CNTN6: variants seen among roughly 807,000 people sequenced by gnomAD.
CNTN6 encodes the protein contactin 6.
Under a neutral mutation model 122.8 loss-of-function variants are expected in CNTN6, and 137 were observed. The observed-to-expected ratio is 1.12, with a 90% confidence interval of 0.97 to 1.29. The LOEUF (loss-of-function observed/expected upper bound fraction) is 1.29, where lower values mean the gene tolerates loss of function less well. CNTN6 is among the 50% of genes most tolerant of loss of function. The pLI, the probability that CNTN6 is intolerant of heterozygous loss-of-function variation, is 0.00. For synonymous variants in CNTN6, 570 were observed against 426.0 expected, an observed-to-expected ratio of 1.34 and a Z score of -4.16; for missense variants, 1,634 against 1,223.4, an observed-to-expected ratio of 1.34 and a Z score of -5.01.
chr3:1,212,841 T>C (rs1470444905), intron 2 of CNTN6, among the ~76,000 whole-genome samples: 2 of 152,100 alleles, frequency 1.3e-5, no homozygotes, highest in Non-Finnish European at 2.9e-5. Context: ...AATCTAACAA[T>C]TTACCAAAAG....
At chr3:1,389,379 A>T (rs1693738902) in intron 20 of CNTN6, among the ~76,000 whole-genome samples, 2 of 152,046 alleles carry the variant, frequency 1.3e-5, no homozygotes, top group Non-Finnish European at 2.9e-5. Context: ...TTTTGTCACC[A>T]CCAGGCCTGC....
intron 2 of CNTN6, among the ~76,000 whole-genome samples, chr3:1,212,479 G>A (rs1264032294): frequency 6.7e-6 from 1 of 149,982 alleles, no homozygotes; most frequent in Non-Finnish European, 1.5e-5. Flanking sequence ...ACACATACAT[G>A]TGTGTGTATA....
chr3:1,313,889 G>A (rs73816298), intron 7 of CNTN6, among the ~76,000 whole-genome samples: 2 of 152,090 alleles, frequency 1.3e-5, no homozygotes, highest in African/African-American at 2.4e-5. Flanking sequence ...CTGTGTCCTC[G>A]CATGGTGGAA....
intron 4 of CNTN6, among the ~76,000 whole-genome samples, chr3:1,260,924 C>T (rs2094835809): frequency 6.6e-6 from 1 of 152,058 alleles, no homozygotes; most frequent in African/African-American, 2.4e-5. Context: ...TCAGGTATGT[C>T]TGTATTAGCA....
intron 7 of CNTN6, among the ~76,000 whole-genome samples, chr3:1,303,369 A>G (rs1697765006): frequency 1.3e-5 from 2 of 152,158 alleles, no homozygotes; most frequent in Non-Finnish European, 2.9e-5. Flanking sequence ...TATCAGATTA[A>G]AGGAACTTCA....
At chr3:1,391,138 T>C (rs1694078461) in intron 20 of CNTN6, among the ~76,000 whole-genome samples, 1 of 62,034 alleles carries the variant, frequency 1.6e-5, no homozygotes, top group East Asian at 4.8e-4. Flanking sequence ...TGATGAACAT[T>C]GATGCAAAAA....
chr3:1,319,526 G>A (rs1457181505), intron 7 of CNTN6, among the ~76,000 whole-genome samples: 1 of 151,450 alleles, frequency 6.6e-6, no homozygotes, highest in African/African-American at 2.4e-5. Flanking sequence ...ATTTAGTTAT[G>A]TTAAAAAATG....
At chr3:1,267,610 C>T (rs1196904026) in intron 4 of CNTN6, among the ~76,000 whole-genome samples, 35 of 152,258 alleles carry the variant, frequency 2.3e-4, no homozygotes, top group African/African-American at 8.2e-4. Flanking sequence ...AATTGGAATG[C>T]TGATATCCAA....
At chr3:1,123,609 G>C (rs900881150) in intron 1 of CNTN6, among the ~76,000 whole-genome samples, 1 of 151,902 alleles carries the variant, frequency 6.6e-6, no homozygotes, top group Non-Finnish European at 1.5e-5. Flanking sequence ...TTATATGTAA[G>C]ATTATGCAAT....
intron 2 of CNTN6, among the ~76,000 whole-genome samples, chr3:1,174,891 G>A (rs752686661): frequency 9.2e-5 from 14 of 152,188 alleles, no homozygotes; most frequent in Non-Finnish European, 1.0e-4. Flanking sequence ...GCCCACACAC[G>A]CGTGTGCACA....
chr3:1,368,878 C>T (rs992281820), intron 12 of CNTN6, among the ~76,000 whole-genome samples: 120 of 152,132 alleles, frequency 7.9e-4, no homozygotes, highest in African/African-American at 2.7e-3. Context: ...ACTTTTTCCT[C>T]TTTTTCAAAA....
chr3:1,142,210 C>T (rs1188297035), intron 1 of CNTN6, among the ~76,000 whole-genome samples: 1 of 142,906 alleles, frequency 7.0e-6, no homozygotes, highest in Non-Finnish European at 1.5e-5. Context: ...ATTTTCCATT[C>T]CTAAAAAAAA....
At chr3:1,142,525 T>C (rs1305877981) in intron 1 of CNTN6, among the ~76,000 whole-genome samples, 1 of 152,130 alleles carries the variant, frequency 6.6e-6, no homozygotes, top group Non-Finnish European at 1.5e-5. Context: ...TTAACAGAAA[T>C]CTTCACAGCC....
At chr3:1,107,943 A>G (rs552116134) in intron 1 of CNTN6, among the ~76,000 whole-genome samples, 175 of 152,240 alleles carry the variant, frequency 1.1e-3, no homozygotes, top group African/African-American at 4.0e-3. Flanking sequence ...AGTTACCTCC[A>G]TCTGAAAGGT....
chr3:1,094,348 G>C (rs937354419), intron 1 of CNTN6, among the ~76,000 whole-genome samples: 1 of 151,734 alleles, frequency 6.6e-6, no homozygotes, highest in Non-Finnish European at 1.5e-5. Context: ...TACACAATTT[G>C]TGTAAAAAAA....
intron 16 of CNTN6, among the ~76,000 whole-genome samples, 169 bp from the exon 17 acceptor site, chr3:1,376,836 C>T (rs934047008): frequency 6.6e-6 from 1 of 152,104 alleles, no homozygotes; most frequent in African/African-American, 2.4e-5. Flanking sequence ...TGTCCTCTCT[C>T]TTAGAAATTT....
chr3:1,309,929 A>G (rs1026545719), intron 7 of CNTN6, among the ~76,000 whole-genome samples: 1 of 152,186 alleles, frequency 6.6e-6, no homozygotes, highest in African/African-American at 2.4e-5. Flanking sequence ...TTCAAATTCC[A>G]TTTGTTAACT....
At chr3:1,269,931 A>G (rs2094994726) in intron 4 of CNTN6, among the ~76,000 whole-genome samples, 1 of 152,178 alleles carries the variant, frequency 6.6e-6, no homozygotes, top group South Asian at 2.1e-4. Context: ...TTTAACTTGG[A>G]CTGTAAATGG....
At chr3:1,229,576 CT>C in intron 4 of CNTN6, among the ~76,000 whole-genome samples, 1 of 152,190 alleles carries the variant, frequency 6.6e-6, no homozygotes, top group Admixed American at 6.5e-5. Context: ...TTGTTCTGTA[CT>C]TTTTAACAAA....
Sources: allele counts gnomAD v4.1 joint callset (sites outside exome capture counted in the v4.1 genomes callset), GRCh38; gene constraint gnomAD v4.1.1; transcripts MANE v1.5; gene names NCBI Gene and HGNC (gene_info 2026-07-23, HGNC 2026-07-21).